Variants in SCN9A observed in about 807,000 individuals in gnomAD.
SCN9A encodes sodium channel protein type 9 subunit alpha.
In SCN9A, 131 loss-of-function variants were observed where a neutral mutation model predicts 187.0. The ratio of observed to expected loss-of-function variants is 0.70; its 90% confidence interval spans 0.61 to 0.81. The LOEUF (loss-of-function observed/expected upper bound fraction) is 0.81. SCN9A is among the 30% of genes least tolerant of loss of function. The probability of loss-of-function intolerance (pLI) is 0.00; values close to 1 mark genes in which losing one functional copy is unlikely to be tolerated. For missense variants in SCN9A, 2,252 were observed against 2,396.6 expected (o/e 0.94, Z 1.26); for synonymous variants, 809 against 808.6 (o/e 1.00, Z -0.01).
intron 1 of SCN9A, among the ~76,000 whole-genome samples, chr2:166,353,548 T>A (rs1209904236): frequency 6.6e-6 from 1 of 152,192 alleles, no homozygotes; most frequent in Non-Finnish European, 1.5e-5. Flanking sequence ...TCCCCAAAGG[T>A]CAGCTAGATA....
At chr2:166,347,533 A>G (rs1429559746) in intron 1 of SCN9A, among the ~76,000 whole-genome samples, 2 of 152,144 alleles carry the variant, frequency 1.3e-5, no homozygotes, top group Admixed American at 6.5e-5. Context: ...GTAAAGAGCT[A>G]TTTAAGTGGA....
At chr2:166,227,760 C>A (rs1288260141) in intron 22 of SCN9A, 37 bp from the exon 23 acceptor site, 1 of 1,049,156 alleles carries the variant, frequency 9.5e-7, no homozygotes, top group South Asian at 1.4e-5. Flanking sequence ...GAATGTTAAG[C>A]TCATATTCTA....
chr2:166,297,579 AAGT>A (rs1250724219), intron 7 of SCN9A, among the ~76,000 whole-genome samples: 1 of 152,028 alleles, frequency 6.6e-6, no homozygotes, highest in Non-Finnish European at 1.5e-5. Flanking sequence ...TAGGGACAGA[AAGT>A]AGATTAGTGG....
At chr2:166,342,888 C>T (rs962899616) in intron 1 of SCN9A, among the ~76,000 whole-genome samples, 1 of 152,168 alleles carries the variant, frequency 6.6e-6, no homozygotes, top group Non-Finnish European at 1.5e-5. Flanking sequence ...TTGCATACAT[C>T]CACCACCAAA....
intron 24 of SCN9A, 83 bp from the exon 25 acceptor site, chr2:166,204,547 A>C (rs1270405167): frequency 4.0e-6 from 3 of 757,192 alleles, no homozygotes; most frequent in Non-Finnish European, 6.3e-6. Context: ...AATAGGTTAA[A>C]ATGTGTTAAT....
chr2:166,284,432 A>G (rs760340516), intron 12 of SCN9A, 21 bp downstream of exon 12: 5 of 1,585,108 alleles, frequency 3.2e-6, no homozygotes, highest in Admixed American at 1.8e-5. Flanking sequence ...GCCATGCCTG[A>G]GCTATGTAAA....
chr2:166,241,201 C>T (rs1410692200), intron 19 of SCN9A, among the ~76,000 whole-genome samples: 1 of 152,116 alleles, frequency 6.6e-6, no homozygotes, highest in African/African-American at 2.4e-5. Context: ...CTTGAGTATT[C>T]TATTTTTAGT....
At chr2:166,359,153 A>T (rs956817085) in intron 1 of SCN9A, among the ~76,000 whole-genome samples, 1 of 152,204 alleles carries the variant, frequency 6.6e-6, no homozygotes, top group Admixed American at 6.5e-5. Flanking sequence ...TGCATAAAAT[A>T]ACATTATGTA....
At chr2:166,264,949 T>C (rs527615947) in intron 17 of SCN9A, among the ~76,000 whole-genome samples, 1 of 152,128 alleles carries the variant, frequency 6.6e-6, no homozygotes, top group African/African-American at 2.4e-5. Flanking sequence ...TGACACATAA[T>C]AATTGTACAT....
chr2:166,353,985 C>T (rs13000233), intron 1 of SCN9A, among the ~76,000 whole-genome samples: 25,000 of 152,106 alleles, frequency 0.16, 2,236 homozygotes, highest in African/African-American at 0.22. Flanking sequence ...TGAAGAAGCA[C>T]GCTATCTAAT....
At chr2:166,210,851 G>A (rs537808662) in intron 24 of SCN9A, among the ~76,000 whole-genome samples, 57 of 152,182 alleles carry the variant, frequency 3.7e-4, no homozygotes, top group African/African-American at 1.3e-3. Context: ...CCTGAGGTCA[G>A]GAGTTCAAGA....
At chr2:166,271,339 C>T (rs1425682687) in intron 17 of SCN9A, among the ~76,000 whole-genome samples, 3 of 151,994 alleles carry the variant, frequency 2.0e-5, no homozygotes, top group East Asian at 1.9e-4. Context: ...GACCCAACTG[C>T]GATTTAAGTA....
intron 20 of SCN9A, among the ~76,000 whole-genome samples, chr2:166,237,473 A>T (rs569069696): frequency 1.4e-4 from 21 of 152,278 alleles, no homozygotes; most frequent in African/African-American, 4.8e-4. Flanking sequence ...CCCCACTGCC[A>T]TTCTGGAGAT....
intron 1 of SCN9A, among the ~76,000 whole-genome samples, chr2:166,331,857 C>A (rs1403797264): frequency 6.6e-6 from 1 of 152,032 alleles, no homozygotes; most frequent in Non-Finnish European, 1.5e-5. Flanking sequence ...TATAAAAAGT[C>A]AAAAATGACA....
chr2:166,351,070 G>A (rs998877541), intron 1 of SCN9A, among the ~76,000 whole-genome samples: 5 of 151,970 alleles, frequency 3.3e-5, no homozygotes, highest in Non-Finnish European at 7.4e-5. Flanking sequence ...TATTTCCTAA[G>A]TAGACACTTA....
In SCN9A at chr2:166,202,433, T is replaced by A. The variant is rs112363073; in HGVS notation, c.4774+1522A>T. Among the ~76,000 whole-genome samples the A allele has an allele frequency of 4.0e-5, 6 of 151,322 alleles. 1 individual carries two copies. Among genetic ancestry groups the A allele is most frequent in the African/African-American group, 1.5e-4 (6 of 41,254 alleles). Reference sequence around the variant, plus strand: ...TGAACAGTTTTATTTAACATCTATATGTCTTAATATTTTGCAGAATAAGCC... The same window carrying A: ...TGAACAGTTTTATTTAACATCTATAAGTCTTAATATTTTGCAGAATAAGCC... On this transcript the variant is annotated intron_variant, in intron 26 of 26. Transcript: ENST00000642356.
chr2:166,242,650 A>G lies in SCN9A; in HGVS notation c.3479T>C (p.Val1160Ala). Residue 1160 changes from valine to alanine, a missense_variant, in exon 19 of 27, where the codon GTA becomes GCA. Val to Ala is a moderately conservative substitution (Grantham distance 64). Transcript: ENST00000642356. Reference sequence around the variant, plus strand: ...AACTTGGCAGCATGAGAACCTCCATACACAACCTGACAAGAAAGACATGCA... The same window carrying G: ...AACTTGGCAGCATGAGAACCTCCATGCACAACCTGACAAGAAAGACATGCA... ...EPEACFTDGC[V>A]WRFSCCQVNI... The G allele has an allele frequency of 6.5e-7, 1 of 1,546,314 alleles. No homozygotes were observed. The highest frequency in any genetic ancestry group is 8.7e-7 in the Non-Finnish European group (1 of 1,143,718).
intron 16 of SCN9A, among the ~76,000 whole-genome samples, chr2:166,275,436 T>G (rs558458698): frequency 1.3e-5 from 2 of 151,606 alleles, no homozygotes; most frequent in African/African-American, 2.4e-5. Flanking sequence ...AATACAAAAA[T>G]TAGCTGGCAC....
chr2:166,298,520 C>T (rs192354676), intron 7 of SCN9A, among the ~76,000 whole-genome samples: 310 of 152,250 alleles, frequency 2.0e-3, no homozygotes, highest in African/African-American at 6.8e-3. Context: ...AAAGGCATTT[C>T]GGAAAATACT....
Sources: gnomAD v4.1 joint callset for allele counts (sites outside exome capture counted in the v4.1 genomes callset) on GRCh38, gnomAD v4.1.1 for gene constraint, MANE v1.5 for transcripts, NCBI Gene and HGNC (gene_info 2026-07-23, HGNC 2026-07-21) for gene names.